Variants in VSTM4 observed in about 807,000 individuals in gnomAD.
VSTM4 encodes the protein V-set and transmembrane domain-containing protein 4.
Under a neutral mutation model 36.4 loss-of-function variants are expected in VSTM4, and 20 were observed. The observed-to-expected ratio is 0.55, with a 90% CI of 0.39 to 0.80. VSTM4 has a LOEUF of 0.80. VSTM4 is among the 30% of genes least tolerant of loss of function. The probability of loss-of-function intolerance (pLI) is 0.00; values close to 1 mark genes in which losing one functional copy is unlikely to be tolerated. For synonymous variants in VSTM4, 182 were observed against 173.9 expected (o/e 1.05, Z -0.37); for missense variants, 392 against 404.5 (o/e 0.97, Z 0.26).
At chr10:49,042,660 T>G (rs1419459417) in intron 7 of VSTM4, among the ~76,000 whole-genome samples, 1 of 152,212 alleles carries the variant, frequency 6.6e-6, no homozygotes, top group African/African-American at 2.4e-5. Flanking sequence ...ATTATGGATG[T>G]AGAATTACAG....
At chr10:49,066,590 A>T (rs1351916755) in intron 4 of VSTM4, among the ~76,000 whole-genome samples, 1 of 152,210 alleles carries the variant, frequency 6.6e-6, no homozygotes, top group Admixed American at 6.5e-5. Context: ...AACAAAATTG[A>T]TGATAAATTT....
intron 7 of VSTM4, among the ~76,000 whole-genome samples, chr10:49,021,023 A>C (rs1564563132): frequency 6.6e-6 from 1 of 152,194 alleles, no homozygotes; most frequent in Non-Finnish European, 1.5e-5. Context: ...ACAATTAAAA[A>C]CACATTTTTG....
rs907920967 is a variant in VSTM4 at position 49,018,952 on chromosome 10, C to T, written c.*698G>A. On this transcript the variant is annotated 3_prime_UTR_variant, in exon 8 of 8. Transcript: ENST00000332853. The stretch of plus-strand genomic sequence containing the variant: ...TAGAGAGTGTGTTTCTCTATCAGTA[C>T]AGGTCCACCTTGTGAAAGGGCTGGA... 1.3e-5 allele frequency: 2 copies of T among 152,414 alleles called. No individual in the cohort carries two copies. The highest frequency in any genetic ancestry group is 1.5e-5 in the Non-Finnish European group (1 of 68,072). 9.4% of individuals were successfully genotyped at this position (152,414 alleles called of 1,614,324 possible). A position where few individuals can be genotyped will look rare whatever the true frequency, so the allele number is the denominator to read the frequency against.
At chr10:49,040,771 C>A (rs1843509293) in intron 7 of VSTM4, among the ~76,000 whole-genome samples, 1 of 152,182 alleles carries the variant, frequency 6.6e-6, no homozygotes, top group Non-Finnish European at 1.5e-5. Flanking sequence ...TATAAATCAC[C>A]TAATGCGGCA....
intron 7 of VSTM4, among the ~76,000 whole-genome samples, chr10:49,025,232 G>A (rs563907668): frequency 1.3e-5 from 2 of 152,280 alleles, no homozygotes; most frequent in African/African-American, 4.8e-5. Flanking sequence ...TGTTATGGCA[G>A]CCCTAGCAAA....
At chr10:49,029,188 C>T (rs966609612) in intron 7 of VSTM4, among the ~76,000 whole-genome samples, 1 of 152,238 alleles carries the variant, frequency 6.6e-6, no homozygotes, top group Non-Finnish European at 1.5e-5. Context: ...GTCCTACTAT[C>T]ATCGACATGC....
At chr10:49,087,913 A>ATATATATACATATGTAATATATATG (rs1277112489) in intron 2 of VSTM4, among the ~76,000 whole-genome samples, 18 of 147,140 alleles carry the variant, frequency 1.2e-4, no homozygotes, top group African/African-American at 3.7e-4. Context: ...TTATATATGT[A>ATATATATACATATGTAATATATATG]TATATATACA....
intron 6 of VSTM4, among the ~76,000 whole-genome samples, chr10:49,048,274 C>G (rs1843644401): frequency 6.6e-6 from 1 of 152,230 alleles, no homozygotes; most frequent in Non-Finnish European, 1.5e-5. Flanking sequence ...CCACCCCCAA[C>G]CCAAGTACTG....
At chr10:49,075,789 G>T (rs1412454040) in intron 4 of VSTM4, among the ~76,000 whole-genome samples, 1 of 152,202 alleles carries the variant, frequency 6.6e-6, no homozygotes, top group Non-Finnish European at 1.5e-5. Flanking sequence ...TGTCCAGCCT[G>T]CTCAGCCCTG....
chr10:49,059,900 T>A (rs1269174022), intron 5 of VSTM4, among the ~76,000 whole-genome samples: 1 of 152,242 alleles, frequency 6.6e-6, no homozygotes, highest in Non-Finnish European at 1.5e-5. Flanking sequence ...AGGAAACCAC[T>A]AATCCCCTTT....
chr10:49,038,828 T>C (rs1437392411), intron 7 of VSTM4, among the ~76,000 whole-genome samples: 2 of 152,032 alleles, frequency 1.3e-5, no homozygotes, highest in Non-Finnish European at 2.9e-5. Context: ...GCTGCACAGA[T>C]GGCTGCTGTG....
intron 2 of VSTM4, chr10:49,103,607 AT>A: frequency 6.8e-7 from 1 of 1,465,766 alleles, no homozygotes; most frequent in South Asian, 1.5e-5. Context: ...ACTGGGAGTT[AT>A]TTTTTAAATA....
intron 1 of VSTM4, among the ~76,000 whole-genome samples, chr10:49,108,292 T>C (rs1167039674): frequency 6.6e-6 from 1 of 152,228 alleles, no homozygotes; most frequent in Admixed American, 6.5e-5. Flanking sequence ...ACGTTTAAAA[T>C]TCAAATTTCA....
intron 7 of VSTM4, among the ~76,000 whole-genome samples, chr10:49,026,712 A>AGG (rs1191268921): frequency 6.6e-6 from 1 of 152,100 alleles, no homozygotes; most frequent in Admixed American, 6.5e-5. Context: ...GGGTGTTGAC[A>AGG]GGGGCAGGGC....
intron 7 of VSTM4, among the ~76,000 whole-genome samples, chr10:49,036,796 C>T (rs377741403): frequency 3.3e-5 from 5 of 152,348 alleles, no homozygotes; most frequent in Admixed American, 1.3e-4. Flanking sequence ...CATCTCAGCC[C>T]TGGGCTGGCC....
At chr10:49,080,912 T>C (rs1844267391) in intron 3 of VSTM4, among the ~76,000 whole-genome samples, 1 of 152,218 alleles carries the variant, frequency 6.6e-6, no homozygotes. Context: ...GCCTTTCTAG[T>C]AAATGCCTGT....
rs911012459 is a variant in VSTM4, at chr10:49,015,160, T to G, written c.*4490A>C. ...TTTTTGAGACGGAATCTCACTCTAT[T>G]GCCCAGGCTGGAGTGCAGCAGCACG... is the stretch of plus-strand genomic sequence containing the variant. On this transcript the variant is annotated 3_prime_UTR_variant, in exon 8 of 8. Coordinates refer to ENST00000332853, the MANE Select transcript of VSTM4 (RefSeq NM_001031746.5). The G allele has an allele frequency of 4.1e-5, 6 of 147,292 alleles. No homozygotes were observed. The highest frequency in any genetic ancestry group is 7.4e-5 in the Non-Finnish European group (5 of 67,322). The allele number at this position is 147,292 out of a possible 1,614,324, so 9.1% of individuals were successfully genotyped here. A position where few individuals can be genotyped will look rare whatever the true frequency, so the allele number is the denominator to read the frequency against.
intron 2 of VSTM4, among the ~76,000 whole-genome samples, chr10:49,087,589 C>T (rs1844391144): frequency 6.6e-6 from 1 of 152,102 alleles, no homozygotes; most frequent in Non-Finnish European, 1.5e-5. Flanking sequence ...TCTGGTTTGC[C>T]CTTACTCAGG....
In VSTM4 at chr10:49,040,987, C is replaced by T. The variant is rs1421855443; in HGVS notation, c.837+5996G>A. The stretch of plus-strand genomic sequence containing the variant: ...ACAAAATTAGACACCTAAATTGGTA[C>T]CAGGTCCCCCAAAATAAGATGTCTC... On this transcript the variant is annotated intron_variant, in intron 7 of 7. Transcript: ENST00000332853. Among the ~76,000 whole-genome samples the T allele has an allele frequency of 2.6e-5, 4 of 152,230 alleles. No homozygotes were observed. In the East Asian group the frequency reaches 5.8e-4, roughly 22 times the overall value.
Sources: gnomAD v4.1 joint callset for allele counts (sites outside exome capture counted in the v4.1 genomes callset) on GRCh38, gnomAD v4.1.1 for gene constraint, MANE v1.5 for transcripts, NCBI Gene and HGNC (gene_info 2026-07-23, HGNC 2026-07-21) for gene names.